Variants in TMEM184B observed in about 807,000 individuals in gnomAD.
TMEM184B encodes the protein putative MAPK-activating protein FM08.
Under a neutral mutation model 41.8 loss-of-function variants are expected in TMEM184B, and 17 were observed. The observed-to-expected ratio is 0.41, with a 90% CI of 0.28 to 0.61. The LOEUF is 0.61. Among genes scored for constraint, TMEM184B ranks in the 20% least tolerant of loss-of-function variants. The pLI is 0.34. For synonymous variants in TMEM184B, 240 were observed against 229.5 expected (o/e 1.05, Z -0.41); for missense variants, 393 against 557.8 (o/e 0.70, Z 2.98).
chr22:38,272,681 G>C, intron 1 of TMEM184B: 1 of 985,494 alleles, frequency 1.0e-6, no homozygotes, highest in African/African-American at 1.7e-5. Flanking sequence ...GACCTCGCGG[G>C]GCGGAGAGGA....
At chr22:38,241,908 G>A (rs1479223444) in intron 3 of TMEM184B, among the ~76,000 whole-genome samples, 7,125 of 81,322 alleles carry the variant, frequency 0.088, 3 homozygotes, top group Non-Finnish European at 0.1. Context: ...AAAAAAAAAA[G>A]AACGAGACCT....
At chr22:38,245,521 C>T (rs34654538) in intron 3 of TMEM184B, among the ~76,000 whole-genome samples, 1 of 120,932 alleles carries the variant, frequency 8.3e-6, no homozygotes, top group African/African-American at 3.3e-5. Context: ...GACGCCAGCA[C>T]TAAGAAGCGA....
intron 1 of TMEM184B, among the ~76,000 whole-genome samples, chr22:38,250,011 T>A (rs73427659): frequency 0.016 from 2,463 of 152,350 alleles, 80 homozygotes; most frequent in African/African-American, 0.056. Context: ...GTGGGTTCCC[T>A]GCTCCAAAAA....
intron 1 of TMEM184B, among the ~76,000 whole-genome samples, chr22:38,260,352 G>A (rs1052608702): frequency 1.3e-5 from 2 of 152,088 alleles, no homozygotes; most frequent in Non-Finnish European, 2.9e-5. Flanking sequence ...CACCGCACCC[G>A]ACCTAATTTG....
chr22:38,249,196 CTAGAGTG>C (rs2092107503), intron 1 of TMEM184B, among the ~76,000 whole-genome samples: 1 of 152,226 alleles, frequency 6.6e-6, no homozygotes, highest in African/African-American at 2.4e-5. Flanking sequence ...GTTGCCCAGG[CTAGAGTG>C]CAATGGTGCA....
chr22:38,217,860 A>G (rs1209741767), downstream of TMEM184B, among the ~76,000 whole-genome samples: 1 of 151,584 alleles, frequency 6.6e-6, no homozygotes, highest in Non-Finnish European at 1.5e-5. Context: ...AAAGAAAAGA[A>G]AAGAAAACAA....
intron 2 of TMEM184B, among the ~76,000 whole-genome samples, chr22:38,247,444 G>T (rs1194799892): frequency 6.6e-6 from 1 of 152,322 alleles, no homozygotes; most frequent in East Asian, 1.9e-4. Context: ...GCCCTGGGAC[G>T]CAGGCAAGAA....
intron 1 of TMEM184B, among the ~76,000 whole-genome samples, chr22:38,267,518 C>T (rs1287990476): frequency 6.6e-6 from 1 of 151,802 alleles, no homozygotes; most frequent in Non-Finnish European, 1.5e-5. Flanking sequence ...CTGCAACCTC[C>T]GCCTCCCAGG....
rs1187483319 is a variant in TMEM184B, at chr22:38,220,347, G to A, written c.*1122C>T. 1.0e-6 allele frequency: 1 copy of A among 986,172 alleles called. No individual in the cohort carries two copies. Among genetic ancestry groups the A allele is most frequent in the Non-Finnish European group, 1.2e-6 (1 of 830,240 alleles). The allele number at this position is 986,172 out of a possible 1,614,324, so 61.1% of individuals were successfully genotyped here. On this transcript the variant is annotated 3_prime_UTR_variant, in exon 9 of 9. Coordinates refer to ENST00000361906, the MANE Select transcript of TMEM184B (RefSeq NM_012264.5). ...CCCCAGGGAGCGTGTGGGACAGATG[G>A]GGAGCCAGGGAGGGGCGCTTTCATA...
At chr22:38,272,160 T>G (rs1044984036) in intron 1 of TMEM184B, among the ~76,000 whole-genome samples, 1 of 152,166 alleles carries the variant, frequency 6.6e-6, no homozygotes, top group Non-Finnish European at 1.5e-5. Context: ...GGGATATGTA[T>G]TGGGAATCCA....
At position 38,219,304 on chromosome 22, in the gene TMEM184B, A is replaced by G; in HGVS notation, c.*2165T>C. The G allele has an allele frequency of 1.0e-6, 1 of 985,672 alleles. No individual in the cohort carries two copies. Among genetic ancestry groups the G allele is most frequent in the Non-Finnish European group, 1.2e-6 (1 of 829,914 alleles). The allele number at this position is 985,672 out of a possible 1,614,324, so 61.1% of individuals were successfully genotyped here. A position where few individuals can be genotyped will look rare whatever the true frequency, so the allele number is the denominator to read the frequency against. ...CACCCACAGGCAGAGATTTCAATAC[A>G]ATCTATATTATCTCATATATAGATT... On this transcript the variant is annotated 3_prime_UTR_variant, in exon 9 of 9. Transcript: ENST00000361906.
chr22:38,230,603 C>T (rs1229585944), intron 5 of TMEM184B, 66 bp downstream of exon 5: 1 of 1,539,844 alleles, frequency 6.5e-7, no homozygotes, highest in Non-Finnish European at 8.8e-7. Flanking sequence ...CCAGGGCAGC[C>T]CACGGCAGGG....
intron 5 of TMEM184B, among the ~76,000 whole-genome samples, chr22:38,227,584 G>A (rs1327274305): frequency 6.6e-6 from 1 of 152,194 alleles, no homozygotes; most frequent in African/African-American, 2.4e-5. Flanking sequence ...GGTCACTCTG[G>A]GGATGGAGGT....
At chr22:38,231,152 T>G (rs2091607056) in intron 4 of TMEM184B, 92 bp downstream of exon 4, 1 of 1,093,824 alleles carries the variant, frequency 9.1e-7, no homozygotes, top group Non-Finnish European at 1.4e-6. Context: ...CGGGCAGACA[T>G]GGTCTGTGTC....
chr22:38,260,401 A>C (rs1250831558), intron 1 of TMEM184B, among the ~76,000 whole-genome samples: 1 of 152,150 alleles, frequency 6.6e-6, no homozygotes, highest in Non-Finnish European at 1.5e-5. Flanking sequence ...TTGTTGCAGC[A>C]GCAAGCAGCT....
intron 2 of TMEM184B, chr22:38,246,607 G>A (rs2092036515): frequency 3.2e-6 from 1 of 309,888 alleles, no homozygotes; most frequent in Admixed American, 4.8e-5. Flanking sequence ...ATGGCGGGTG[G>A]ACACACTTCC....
intron 3 of TMEM184B, among the ~76,000 whole-genome samples, chr22:38,236,542 GA>G (rs1374635866): frequency 6.6e-6 from 1 of 151,824 alleles, no homozygotes; most frequent in Non-Finnish European, 1.5e-5. Flanking sequence ...GGAGCACACA[GA>G]TGCGATCACG....
In TMEM184B at chr22:38,230,816, A is replaced by G. The variant is rs950933160; in HGVS notation, c.450-72T>C. The stretch of plus-strand genomic sequence containing the variant: ...GGACTTGGGAACAGTGGGGTGGGGA[A>G]GGCCGCCCTCCCACCCATCCAGACG... On this transcript the variant is annotated intron_variant, in intron 4 of 8. Transcript: ENST00000361906. 1.6e-5 allele frequency: 23 copies of G among 1,429,542 alleles called. No homozygotes were observed. The African/African-American group carries it at 2.4e-4, about 15-fold the overall frequency. The allele number at this position is 1,429,542 out of a possible 1,614,324, so 88.6% of individuals were successfully genotyped here. A position where few individuals can be genotyped will look rare whatever the true frequency, so the allele number is the denominator to read the frequency against.
intron 1 of TMEM184B, among the ~76,000 whole-genome samples, chr22:38,270,620 G>A (rs2092508165): frequency 6.6e-6 from 1 of 152,126 alleles, no homozygotes; most frequent in South Asian, 2.1e-4. Context: ...TTACTACCCG[G>A]GGCTGCAGGG....
Sources: allele counts gnomAD v4.1 joint callset (sites outside exome capture counted in the v4.1 genomes callset), GRCh38; gene constraint gnomAD v4.1.1; transcripts MANE v1.5; gene names NCBI Gene and HGNC (gene_info 2026-07-23, HGNC 2026-07-21).